The following DLG2 variants were observed in gnomAD, a reference collection of about 807,000 sequenced individuals.
The protein encoded by DLG2 is discs large MAGUK scaffold protein 2.
A neutral mutation model predicts 132.5 loss-of-function variants in DLG2; 45 were observed. That is an observed-to-expected ratio of 0.34 (90% CI 0.27 to 0.44). The LOEUF (loss-of-function observed/expected upper bound fraction) is 0.44. Ranked by LOEUF, DLG2 falls within the 20% of genes least tolerant of loss-of-function variation. DLG2 has a pLI of 1.00. For synonymous variants in DLG2, 424 were observed against 419.6 expected, an observed-to-expected ratio of 1.01 and a Z score of -0.13; for missense variants, 1,045 against 1,196.9, an observed-to-expected ratio of 0.87 and a Z score of 1.87.
intron 3 of DLG2, among the ~76,000 whole-genome samples, chr11:85,400,657 T>C (rs2087972560): frequency 6.8e-6 from 1 of 146,518 alleles, no homozygotes; most frequent in Non-Finnish European, 1.5e-5. Flanking sequence ...TTGGAAATCA[T>C]CATTCTCAGT....
chr11:84,233,187 C>T (rs1239711867), intron 8 of DLG2, among the ~76,000 whole-genome samples: 1 of 152,088 alleles, frequency 6.6e-6, no homozygotes, highest in Non-Finnish European at 1.5e-5. Context: ...ACCCCTACTA[C>T]TAGAAATGTC....
chr11:84,194,082 T>C (rs910077116), intron 8 of DLG2, among the ~76,000 whole-genome samples: 4 of 152,204 alleles, frequency 2.6e-5, no homozygotes, highest in African/African-American at 9.6e-5. Context: ...GAAAAACTAA[T>C]ACAGGGTTGA....
chr11:83,626,992 TGA>T (rs1379261584), intron 19 of DLG2, among the ~76,000 whole-genome samples: 1 of 148,840 alleles, frequency 6.7e-6, no homozygotes, highest in East Asian at 2.0e-4. Flanking sequence ...AGCAATGGGA[TGA>T]GAGAGGCTTA....
In DLG2 at chr11:83,873,933, A is replaced by G. The variant is rs564100100; in HGVS notation, c.1565+487T>C. ...CTATAGAGTGTAATGCTTACACTGT[A>G]TCACAAGTGTGTGTTTGTATTTCTA... On this transcript the variant is annotated intron_variant, in intron 16 of 27. Transcript: ENST00000376104. 4.6e-5 allele frequency among the ~76,000 whole-genome samples: 7 copies of G among 152,336 alleles called. No homozygotes were observed. In the East Asian group the frequency reaches 1.4e-3, roughly 29 times the overall value.
At chr11:85,485,687 G>A (rs555163573) in intron 3 of DLG2, among the ~76,000 whole-genome samples, 48 of 152,154 alleles carry the variant, frequency 3.2e-4, no homozygotes, top group Middle Eastern at 3.2e-3. Context: ...CTCACCGCAG[G>A]CTTTTGCATT....
chr11:83,876,817 T>C (rs957864101), intron 15 of DLG2, among the ~76,000 whole-genome samples: 3 of 152,246 alleles, frequency 2.0e-5, no homozygotes, highest in Non-Finnish European at 2.9e-5. Flanking sequence ...CAGAAACATA[T>C]GTAACTTCAT....
At chr11:83,688,518 A>C (rs2080240846) in intron 18 of DLG2, among the ~76,000 whole-genome samples, 1 of 152,320 alleles carries the variant, frequency 6.6e-6, no homozygotes, top group East Asian at 1.9e-4. Flanking sequence ...AAGATGGACC[A>C]GCCTGGAGAG....
intron 3 of DLG2, among the ~76,000 whole-genome samples, chr11:85,573,859 T>G (rs1317682377): frequency 6.6e-6 from 1 of 152,206 alleles, no homozygotes; most frequent in African/African-American, 2.4e-5. Flanking sequence ...TAATAAATCA[T>G]GTAGAACCTT....
At chr11:84,266,392 C>T (rs1373476171) in intron 7 of DLG2, among the ~76,000 whole-genome samples, 2 of 152,156 alleles carry the variant, frequency 1.3e-5, no homozygotes, top group Non-Finnish European at 2.9e-5. Flanking sequence ...GTGTAGTTCC[C>T]CTCTCTGCCT....
rs116347666 is a variant in DLG2, at chr11:84,314,103, A to G, written c.520-62812T>C. Among the ~76,000 whole-genome samples, 488 of 152,308 alleles carry G rather than the reference A, an allele frequency of 3.2e-3. 3 individuals are homozygous for G. Among genetic ancestry groups the G allele is most frequent in the African/African-American group, 0.011 (454 of 41,562 alleles). On this transcript the variant is annotated intron_variant, in intron 7 of 27. Coordinates refer to ENST00000376104, the MANE Select transcript of DLG2 (RefSeq NM_001142699.3). The stretch of plus-strand genomic sequence containing the variant: ...CAAGTCATTACTATGGCCCTCTGTT[A>G]TAGCAGCTGGAAATCACACTGCTGA...
intron 6 of DLG2, among the ~76,000 whole-genome samples, chr11:84,627,480 G>A (rs377129379): frequency 4.6e-4 from 70 of 152,116 alleles, no homozygotes; most frequent in Middle Eastern, 3.4e-3. Flanking sequence ...TACTATAAAC[G>A]AACAAATTTT....
In DLG2 at chr11:84,534,729, C is replaced by T; in HGVS notation, c.360G>A (p.Lys120=). ...GAGCGTCCTCATCTTGATATCGATACTTCTAGGAGAAAAGAAAAGAAAGGA... is the reference window on the plus strand; with the variant it reads ...GAGCGTCCTCATCTTGATATCGATATTTCTAGGAGAAAAGAAAAGAAAGGA... ...PAWMPVHHCT[K]YRYQDEDAPH... Residue 120 remains lysine (K), a splice_region_variant and synonymous_variant, in exon 7 of 28, where the codon AAG becomes AAA. Coordinates refer to ENST00000376104, the MANE Select transcript of DLG2 (RefSeq NM_001142699.3). 1 of 1,613,918 alleles carries T rather than the reference C, an allele frequency of 6.2e-7. No homozygotes were observed. The highest frequency in any genetic ancestry group is 8.5e-7 in the Non-Finnish European group (1 of 1,179,882).
intron 7 of DLG2, among the ~76,000 whole-genome samples, chr11:84,418,557 T>C (rs1207043939): frequency 6.6e-6 from 1 of 152,210 alleles, no homozygotes; most frequent in African/African-American, 2.4e-5. Flanking sequence ...GTGGAGTCCA[T>C]GCTTTTAACC....
intron 8 of DLG2, among the ~76,000 whole-genome samples, chr11:84,239,407 C>T (rs938288291): frequency 6.6e-6 from 1 of 152,080 alleles, no homozygotes; most frequent in African/African-American, 2.4e-5. Flanking sequence ...TCTTGAACTC[C>T]CTGACCTCAG....
chr11:83,875,526 A>T (rs2064544925), intron 15 of DLG2, among the ~76,000 whole-genome samples: 1 of 152,188 alleles, frequency 6.6e-6, no homozygotes, highest in Non-Finnish European at 1.5e-5. Flanking sequence ...TTAAGAATTC[A>T]TCTTGGAATC....
chr11:84,714,412 T>C (rs1596333584), intron 6 of DLG2, among the ~76,000 whole-genome samples: 1 of 151,738 alleles, frequency 6.6e-6, no homozygotes, highest in Non-Finnish European at 1.5e-5. Context: ...CTGGGAGAGG[T>C]GGAGAAAGGC....
chr11:84,050,269 T>G (rs149414395), intron 11 of DLG2, among the ~76,000 whole-genome samples: 2 of 151,572 alleles, frequency 1.3e-5, no homozygotes, highest in African/African-American at 4.8e-5. Flanking sequence ...AAGCCTATTA[T>G]AGTACGCCAG....
At chr11:84,787,973 A>G (rs1220671137) in intron 6 of DLG2, among the ~76,000 whole-genome samples, 1 of 150,986 alleles carries the variant, frequency 6.6e-6, no homozygotes, top group Non-Finnish European at 1.5e-5. Context: ...GTGATGGTGC[A>G]TGCCTGTAGT....
chr11:83,833,251 A>G (rs1315001901), intron 17 of DLG2, among the ~76,000 whole-genome samples: 1 of 152,182 alleles, frequency 6.6e-6, no homozygotes, highest in African/African-American at 2.4e-5. Flanking sequence ...CAGTCTGGAC[A>G]ACATGGCGAA....
Sources: allele counts gnomAD v4.1 joint callset (sites outside exome capture counted in the v4.1 genomes callset), GRCh38; gene constraint gnomAD v4.1.1; transcripts MANE v1.5; gene names NCBI Gene and HGNC (gene_info 2026-07-23, HGNC 2026-07-21).